The following CENPV variants were observed in gnomAD, a reference collection of about 807,000 sequenced individuals.
CENPV encodes the protein centromere protein V.
In CENPV, 15 loss-of-function variants were observed where a neutral mutation model predicts 26.4. The observed-to-expected ratio is 0.57, with a 90% CI of 0.38 to 0.88. The LOEUF is 0.88. Ranked by LOEUF, CENPV falls within the 40% of genes least tolerant of loss-of-function variation. The pLI is 0.00. For synonymous variants in CENPV, 172 were observed against 165.5 expected, an observed-to-expected ratio of 1.04 and a Z score of -0.30; for missense variants, 336 against 376.5, an observed-to-expected ratio of 0.89 and a Z score of 0.89.
At chr17:16,350,097 TGAAA>T (rs1268330052) in intron 1 of CENPV, 68 bp from the exon 2 acceptor site, 4 of 1,564,600 alleles carry the variant, frequency 2.6e-6, no homozygotes, top group East Asian at 2.3e-5. Context: ...TTTTTGTTGC[TGAAA>T]GAAAGACAGA....
chr17:16,345,050 T>G (rs1226424131), intron 3 of CENPV, among the ~76,000 whole-genome samples: 1 of 151,846 alleles, frequency 6.6e-6, no homozygotes, highest in African/African-American at 2.4e-5. Context: ...GGATTACAGG[T>G]GTGAGCCACT....
At chr17:16,349,847 C>T in intron 2 of CENPV, 84 bp downstream of exon 2, 1 of 1,550,064 alleles carries the variant, frequency 6.5e-7, no homozygotes, top group Non-Finnish European at 8.7e-7. Flanking sequence ...TTCCTCTGTA[C>T]CCCAACTCCC....
intron 1 of CENPV, among the ~76,000 whole-genome samples, chr17:16,352,789 C>T (rs1029474450): frequency 6.6e-6 from 1 of 152,102 alleles, no homozygotes; most frequent in African/African-American, 2.4e-5. Flanking sequence ...CCCTCAAGCT[C>T]CGGACGAAGC....
chr17:16,350,487 G>T, intron 1 of CENPV: 1 of 154,020 alleles, frequency 6.5e-6, no homozygotes, highest in Admixed American at 6.5e-5. Flanking sequence ...GGGATTACAG[G>T]CGCCTGCCAC....
intron 4 of CENPV, 107 bp from the exon 5 acceptor site, chr17:16,343,048 A>G: frequency 7.8e-7 from 1 of 1,274,498 alleles, no homozygotes. Flanking sequence ...CACGCTACAC[A>G]TTAGGGCTTC....
Position 16,353,346 on chromosome 17 carries a change from C to T in CENPV, c.91G>A (p.Ala31Thr). The change falls in exon 1 of 5, where the codon GCC (alanine) becomes ACC (threonine). Residue 31 changes from alanine (A) to threonine (T), a missense_variant. This residue lies in a region of CENPV where 181 missense variants were observed against 148.8 expected (regional missense o/e 1.22). Coordinates refer to ENST00000299736, the MANE Select transcript of CENPV (RefSeq NM_181716.3). ...GTGCGGGTGGCGCTGGGTGCCAAGG[C>T]AGCGGCCGCGGAGGCCGCGGGGGCC... is the stretch of plus-strand genomic sequence containing the variant. ...SAAPAASAAAALAPSATRTRR... is the reference protein window; with the variant it reads ...SAAPAASAAATLAPSATRTRR... The T allele has an allele frequency of 7.6e-7, 1 of 1,312,072 alleles. No individual in the cohort carries two copies. The highest frequency in any genetic ancestry group is 9.7e-7 in the Non-Finnish European group (1 of 1,032,796). 81.3% of individuals were successfully genotyped at this position (1,312,072 alleles called of 1,614,324 possible).
rs370851181 is a variant in CENPV at position 16,348,637 on chromosome 17, A to G, written c.558T>C (p.Ala186=). 1 of 1,613,970 alleles carries G rather than the reference A, an allele frequency of 6.2e-7. No homozygotes were observed. The highest frequency in any genetic ancestry group is 1.3e-5 in the African/African-American group (1 of 74,936). ...TGACCTTCAGGAGCTTGAAGCGAGA[A>G]GCTGGAACAATGAAGTGTCTATTCT... The part of the protein sequence containing the change: ...KKQNRHFIVP[A]SRFKLLKGAE... Residue 186 remains alanine (A), a synonymous_variant, in exon 3 of 5, where the codon GCT becomes GCC. Transcript: ENST00000299736.
At chr17:16,345,535 A>T (rs2093202985) in intron 3 of CENPV, among the ~76,000 whole-genome samples, 1 of 149,634 alleles carries the variant, frequency 6.7e-6, no homozygotes, top group African/African-American at 2.4e-5. Context: ...CGCACCATTA[A>T]AAAAAAAAAT....
chr17:16,353,424 T>C lies in CENPV; in HGVS notation c.13A>G (p.Arg5Gly). The C allele has an allele frequency of 2.6e-6, 3 of 1,163,180 alleles. No individual in the cohort carries two copies. The highest frequency in any genetic ancestry group is 3.2e-6 in the Non-Finnish European group (3 of 945,962). The allele number at this position is 1,163,180 out of a possible 1,614,324, so 72.1% of individuals were successfully genotyped here. Residue 5 changes from arginine to glycine, a missense_variant, in exon 1 of 5, where the codon AGG becomes GGG. This residue lies in a region of CENPV where 181 missense variants were observed against 148.8 expected (regional missense o/e 1.22). Coordinates refer to ENST00000299736, the MANE Select transcript of CENPV (RefSeq NM_181716.3). Reference sequence around the variant, plus strand: ...CGCAGCTTGGCGGCCGCAGAGCTCCTCGATCGCCGCATGGCTCCCGCAGCC... The same window carrying C: ...CGCAGCTTGGCGGCCGCAGAGCTCCCCGATCGCCGCATGGCTCCCGCAGCC... MRRSRSSAAAKLRGQ... is the reference protein window; with the variant it reads MRRSGSSAAAKLRGQ...
chr17:16,344,784 T>C (rs2093198491), intron 3 of CENPV, 73 bp from the exon 4 acceptor site: 1 of 884,222 alleles, frequency 1.1e-6, no homozygotes. Context: ...ATTTATTTAT[T>C]TATTGAGACA....
At chr17:16,352,147 T>C (rs2093231251) in intron 1 of CENPV, among the ~76,000 whole-genome samples, 1 of 152,206 alleles carries the variant, frequency 6.6e-6, no homozygotes, top group African/African-American at 2.4e-5. Context: ...AGTGTTTTGA[T>C]TGTTCTTTTT....
At chr17:16,351,396 G>A (rs1600909941) in intron 1 of CENPV, 1 of 152,146 alleles carries the variant, frequency 6.6e-6, no homozygotes. Flanking sequence ...ATAATTATAG[G>A]AAAAATAGCT....
chr17:16,343,447 C>G (rs1021970535), intron 4 of CENPV, among the ~76,000 whole-genome samples: 4 of 152,162 alleles, frequency 2.6e-5, no homozygotes, highest in Admixed American at 2.0e-4. Flanking sequence ...ATTCTCCTGC[C>G]TCAGCCTCCC....
chr17:16,352,037 A>G (rs2093230883), intron 1 of CENPV, among the ~76,000 whole-genome samples: 7 of 152,360 alleles, frequency 4.6e-5, no homozygotes, highest in Middle Eastern at 3.4e-3. Flanking sequence ...TCATCCTAAG[A>G]GAATTTCTTC....
chr17:16,343,336 C>A (rs2093190595), intron 4 of CENPV, among the ~76,000 whole-genome samples: 1 of 152,142 alleles, frequency 6.6e-6, no homozygotes, highest in South Asian at 2.1e-4. Flanking sequence ...AGATAACTTT[C>A]TTTCCTTTTT....
rs1472975027 is a variant in CENPV, at chr17:16,353,305, G to A, written c.132C>T (p.Ser44=). ...CCGCCTGGCTCTTGCTCCCGGCCTGGCTAGCGGAGCGCCGTGTGCGGGTGG... is the reference window on the plus strand; with the variant it reads ...CCGCCTGGCTCTTGCTCCCGGCCTGACTAGCGGAGCGCCGTGTGCGGGTGG... The part of the protein sequence containing the change: ...PSATRTRRSA[S]QAGSKSQAVE... The change falls in exon 1 of 5, where the codon AGC becomes AGT. Residue 44 remains serine, a synonymous_variant. Transcript: ENST00000299736. The A allele has an allele frequency of 7.1e-7, 1 of 1,407,190 alleles. No individual in the cohort carries two copies. Among genetic ancestry groups the A allele is most frequent in the Non-Finnish European group, 9.3e-7 (1 of 1,079,564 alleles). The allele number at this position is 1,407,190 out of a possible 1,614,324, so 87.2% of individuals were successfully genotyped here. A position where few individuals can be genotyped will look rare whatever the true frequency, so the allele number is the denominator to read the frequency against.
chr17:16,349,592 T>C, intron 2 of CENPV: 1 of 1,039,126 alleles, frequency 9.6e-7, no homozygotes. Context: ...ATGAAGATTC[T>C]GCCCAAGGCT....
At chr17:16,345,261 CA>C (rs1180328905) in intron 3 of CENPV, among the ~76,000 whole-genome samples, 1,392 of 45,330 alleles carry the variant, frequency 0.031, 15 homozygotes, top group African/African-American at 0.1. Context: ...GACTCCGTCT[CA>C]AAAAAAAAAA....
intron 2 of CENPV, chr17:16,349,566 C>T: frequency 9.9e-7 from 1 of 1,012,372 alleles, no homozygotes; most frequent in Non-Finnish European, 1.2e-6. Flanking sequence ...CCAACTCTCC[C>T]CAACTCTAGA....
Sources: allele counts gnomAD v4.1 joint callset (sites outside exome capture counted in the v4.1 genomes callset), GRCh38; gene constraint gnomAD v4.1.1; regional missense constraint gnomAD v4.1.1; transcripts MANE v1.5; gene names NCBI Gene and HGNC (gene_info 2026-07-23, HGNC 2026-07-21).